Variants in PTPRA observed in about 807,000 individuals in gnomAD.
PTPRA encodes the protein protein tyrosine phosphatase receptor type A.
Under a neutral mutation model 104.8 loss-of-function variants are expected in PTPRA, and 25 were observed. That is an observed-to-expected ratio of 0.24 (90% CI 0.17 to 0.33). The LOEUF (loss-of-function observed/expected upper bound fraction) is 0.33. PTPRA is among the 10% of genes least tolerant of loss of function. The pLI, the probability that PTPRA is intolerant of heterozygous loss-of-function variation, is 1.00. For synonymous variants in PTPRA, 323 were observed against 368.9 expected (o/e 0.88, Z 1.43); for missense variants, 765 against 1,015.3 (o/e 0.75, Z 3.35).
chr20:2,988,147 G>A (rs2062987198), intron 8 of PTPRA, 42 bp downstream of exon 8: 1 of 1,536,780 alleles, frequency 6.5e-7, no homozygotes, highest in Admixed American at 1.7e-5. Context: ...TCACAAGGAA[G>A]GAAATCAAGA....
Position 3,035,812 on chromosome 20 carries a change from G to A in PTPRA, c.2069G>A (p.Arg690Gln), listed in dbSNP as rs774477673. The A allele has an allele frequency of 8.1e-6, 13 of 1,614,172 alleles. No homozygotes were observed. Among genetic ancestry groups the A allele is most frequent in the Admixed American group, 6.7e-5 (4 of 60,032 alleles). Residue 690 changes from arginine to glutamine, a missense_variant, in exon 22 of 24, where the codon CGG becomes CAG. Transcript: ENST00000399903. The surrounding 1 kb of genome is among the most constrained non-coding windows in gnomAD (Gnocchi z 5.8). ...NTRENKSRQI[R>Q]QFHFHGWPEV... ...AAGGAGAATAAGAGCCGGCAGATCC[G>A]GCAGTTCCACTTCCATGGCTGGCCT...
chr20:2,910,027 TATATCATATCATATATA>T (rs2059602988), intron 1 of PTPRA, among the ~76,000 whole-genome samples: 3 of 88,016 alleles, frequency 3.4e-5, no homozygotes, highest in African/African-American at 2.4e-4. Flanking sequence ...TAATCTATCA[TATATCATATCATATATA>T]ATATATATCA....
At chr20:2,912,352 G>T (rs1374269056) in intron 1 of PTPRA, among the ~76,000 whole-genome samples, 1 of 152,172 alleles carries the variant, frequency 6.6e-6, no homozygotes, top group African/African-American at 2.4e-5. Flanking sequence ...GGGCATGGTG[G>T]CTCACGCCTA....
intron 1 of PTPRA, among the ~76,000 whole-genome samples, chr20:2,905,657 T>G (rs1314787105): frequency 6.6e-6 from 1 of 151,850 alleles, no homozygotes; most frequent in Admixed American, 6.6e-5. Flanking sequence ...GGCGTGAATA[T>G]TTTGAAAGAT....
chr20:2,936,284 A>G (rs1346131586), intron 2 of PTPRA, among the ~76,000 whole-genome samples: 2 of 152,148 alleles, frequency 1.3e-5, no homozygotes, highest in African/African-American at 4.8e-5. Flanking sequence ...ACACATAACT[A>G]TATTTGAAGT....
intron 16 of PTPRA, among the ~76,000 whole-genome samples, chr20:3,023,804 T>A (rs1375477941): frequency 6.6e-6 from 1 of 152,254 alleles, no homozygotes; most frequent in Non-Finnish European, 1.5e-5. Context: ...GTTCTTTCTC[T>A]ATACTTTGTC....
chr20:2,926,247 C>T (rs2060290507), intron 2 of PTPRA, among the ~76,000 whole-genome samples: 1 of 152,134 alleles, frequency 6.6e-6, no homozygotes, highest in African/African-American at 2.4e-5. Flanking sequence ...AACAAAACTC[C>T]ATGAACTGGG....
At chr20:2,866,923 G>A in the PTPRA span, among the ~76,000 whole-genome samples, 1 of 152,214 alleles carries the variant, frequency 6.6e-6, no homozygotes, top group African/African-American at 2.4e-5. Flanking sequence ...CAGCTCCTAG[G>A]AAGATTATAG....
intron 6 of PTPRA, among the ~76,000 whole-genome samples, chr20:2,982,795 C>G (rs2062741467): frequency 6.6e-6 from 1 of 151,906 alleles, no homozygotes; most frequent in Admixed American, 6.6e-5. Flanking sequence ...CCCCCAGGTT[C>G]AAGCGATTCT....
In PTPRA at chr20:2,877,223, A is replaced by G. The variant is rs903125717; in HGVS notation, c.-129+3463A>G. 2.0e-5 allele frequency among the ~76,000 whole-genome samples: 3 copies of G among 152,188 alleles called. No homozygotes were observed. In the East Asian group the frequency reaches 5.8e-4, roughly 29 times the overall value. The stretch of plus-strand genomic sequence containing the variant: ...TTCCAGTGCAATAATAAATGTTTCC[A>G]AATGACAAAGCTGAAGAGATGTTTT... On this transcript the variant is annotated intron_variant, in intron 1 of 23. Coordinates refer to ENST00000399903, the MANE Select transcript of PTPRA (RefSeq NM_001385305.1).
At chr20:3,020,475 G>A (rs574302803) in intron 13 of PTPRA, among the ~76,000 whole-genome samples, 1 of 152,164 alleles carries the variant, frequency 6.6e-6, no homozygotes, top group Non-Finnish European at 1.5e-5. Context: ...GAGGCCTTTG[G>A]TATATCCTGG....
Position 2,940,332 on chromosome 20 carries a change from T to A in PTPRA, c.-49-7650T>A, listed in dbSNP as rs184122188. Among the ~76,000 whole-genome samples the A allele has an allele frequency of 3.2e-3, 489 of 152,098 alleles. 9 individuals carry two copies. The highest frequency in any genetic ancestry group is 0.029 in the Admixed American group (444 of 15,284). On this transcript the variant is annotated intron_variant, in intron 2 of 23. Coordinates refer to ENST00000399903, the MANE Select transcript of PTPRA (RefSeq NM_001385305.1). ...GTTTTCTTTTCTTTTCTTTTTTTTT[T>A]TTTTAAAGAGACCGGGTCTCGCTGT...
intron 1 of PTPRA, among the ~76,000 whole-genome samples, chr20:2,918,139 T>G (rs905535792): frequency 6.6e-6 from 1 of 150,392 alleles, no homozygotes. Context: ...GAGTTTAGTA[T>G]ACAGAAATAT....
At chr20:2,897,498 C>A (rs115354691) in intron 1 of PTPRA, among the ~76,000 whole-genome samples, 3,356 of 150,818 alleles carry the variant, frequency 0.022, 122 homozygotes, top group African/African-American at 0.076. Flanking sequence ...CGTGATTCTG[C>A]CACCTCACCC....
At chr20:3,026,664 T>G in intron 17 of PTPRA, 23 bp from the exon 18 acceptor site, 2 of 1,556,634 alleles carry the variant, frequency 1.3e-6, no homozygotes, top group Non-Finnish European at 1.8e-6. Context: ...TCAGTAATGT[T>G]TCCCCTCCCC....
At chr20:3,005,224 T>C in intron 10 of PTPRA, 78 bp downstream of exon 10, 1 of 1,386,958 alleles carries the variant, frequency 7.2e-7, no homozygotes, top group Non-Finnish European at 1.0e-6. Flanking sequence ...GGAAAGAATC[T>C]TGCAATTGGG....
chr20:2,928,100 CTCTT>C (rs1182750953), intron 2 of PTPRA, among the ~76,000 whole-genome samples: 2 of 152,114 alleles, frequency 1.3e-5, no homozygotes, highest in East Asian at 3.9e-4. Flanking sequence ...TAAATTTTGA[CTCTT>C]TCTGGTATCC....
chr20:2,991,458 G>T (rs1379385457), intron 9 of PTPRA, among the ~76,000 whole-genome samples: 2 of 152,030 alleles, frequency 1.3e-5, no homozygotes, highest in Admixed American at 1.3e-4. Context: ...GTACTGTTTT[G>T]TAATCTATAA....
chr20:2,945,888 C>T (rs981510326), intron 2 of PTPRA, among the ~76,000 whole-genome samples: 1 of 151,794 alleles, frequency 6.6e-6, no homozygotes, highest in African/African-American at 2.4e-5. Context: ...GAGATTGTGC[C>T]ACTGTAATCC....
Sources: gnomAD v4.1 joint callset for allele counts (sites outside exome capture counted in the v4.1 genomes callset) on GRCh38, gnomAD v4.1.1 for gene constraint, Gnocchi (gnomAD v3.1) non-coding constraint, MANE v1.5 for transcripts, NCBI Gene and HGNC (gene_info 2026-07-23, HGNC 2026-07-21) for gene names.